The following NUP93 variants were observed in gnomAD, a reference collection of about 807,000 sequenced individuals.
The protein encoded by NUP93 is nucleoporin 93.
A neutral mutation model predicts 107.8 loss-of-function variants in NUP93; 55 were observed. That is an observed-to-expected ratio of 0.51 (90% confidence interval 0.41 to 0.64). The LOEUF is 0.64. Ranked by LOEUF, NUP93 falls within the 30% of genes least tolerant of loss-of-function variation. The pLI, the probability that NUP93 is intolerant of heterozygous loss-of-function variation, is 0.00. For synonymous variants in NUP93, 390 were observed against 397.5 expected, an observed-to-expected ratio of 0.98 and a Z score of 0.22; for missense variants, 937 against 1,044.7, an observed-to-expected ratio of 0.90 and a Z score of 1.42.
At position 56,748,372 on chromosome 16, in the gene NUP93, G is replaced by A. The variant is rs781513723; in HGVS notation, c.125G>A (p.Arg42His). Residue 42 changes from arginine (R) to histidine (H), a missense_variant, in exon 2 of 22, where the codon CGC becomes CAC. Physicochemically the swap from Arg to His is conservative, Grantham distance 29. Transcript: ENST00000308159. ...NLQEIQQAGE[R>H]LRSRTLTRTS... ...CAGGAGATCCAGCAGGCGGGAGAGCGCCTGCGTTCCCGTACCCTAACACGC... is the reference window on the plus strand; with the variant it reads ...CAGGAGATCCAGCAGGCGGGAGAGCACCTGCGTTCCCGTACCCTAACACGC... 5.6e-6 allele frequency: 9 copies of A among 1,613,822 alleles called. No individual in the cohort carries two copies. Among genetic ancestry groups the A allele is most frequent in the African/African-American group, 2.7e-5 (2 of 74,894 alleles).
At chr16:56,834,525 AT>A (rs1446857750) in intron 15 of NUP93, 83 bp downstream of exon 15, 3 of 1,447,878 alleles carry the variant, frequency 2.1e-6, no homozygotes, top group Non-Finnish European at 2.9e-6. Context: ...GTTTACTTCA[AT>A]ATGGTTGTGG....
intron 10 of NUP93, 61 bp downstream of exon 10, chr16:56,830,746 A>G: frequency 2.2e-6 from 3 of 1,388,310 alleles, no homozygotes; most frequent in African/African-American, 1.4e-5. Context: ...GGCATCCTTC[A>G]CTGTCATTAT....
At chr16:56,812,777 AACTC>A (rs1963343893) in intron 5 of NUP93, among the ~76,000 whole-genome samples, 1 of 152,242 alleles carries the variant, frequency 6.6e-6, no homozygotes, top group African/African-American at 2.4e-5. Context: ...GATTGTTACT[AACTC>A]TTTAAGTTGT....
intron 20 of NUP93, among the ~76,000 whole-genome samples, chr16:56,840,310 G>T (rs909337539): frequency 6.6e-6 from 1 of 152,148 alleles, no homozygotes; most frequent in Admixed American, 6.5e-5. Context: ...GTGAGCCACC[G>T]TGCCCAGCCA....
chr16:56,823,208 C>A (rs989985369), intron 7 of NUP93, among the ~76,000 whole-genome samples: 1 of 152,126 alleles, frequency 6.6e-6, no homozygotes, highest in Non-Finnish European at 1.5e-5. Flanking sequence ...CACCAAGTAA[C>A]GTAAGAGCGG....
intron 3 of NUP93, among the ~76,000 whole-genome samples, chr16:56,759,992 A>G (rs866782054): frequency 3.9e-5 from 6 of 152,144 alleles, no homozygotes; most frequent in Admixed American, 3.3e-4. Context: ...GTGAAACTCC[A>G]TTTTTTTACC....
intron 2 of NUP93, among the ~76,000 whole-genome samples, chr16:56,755,484 A>G (rs1962002041): frequency 6.6e-6 from 1 of 150,754 alleles, no homozygotes; most frequent in Non-Finnish European, 1.5e-5. Context: ...GAAATGGGGA[A>G]TCACCACCTA....
chr16:56,742,633 T>A (rs1156917908), intron 1 of NUP93, among the ~76,000 whole-genome samples: 1 of 152,260 alleles, frequency 6.6e-6, no homozygotes, highest in African/African-American at 2.4e-5. Context: ...TTGCTCACTC[T>A]TGCCCTAGGA....
intron 9 of NUP93, among the ~76,000 whole-genome samples, chr16:56,830,250 G>C (rs1292363000): frequency 1.3e-5 from 2 of 152,152 alleles, no homozygotes; most frequent in Non-Finnish European, 2.9e-5. Context: ...ACCACAGGGT[G>C]GCTTTGGATC....
intron 3 of NUP93, among the ~76,000 whole-genome samples, chr16:56,773,217 G>A (rs1377160082): frequency 6.6e-6 from 1 of 152,232 alleles, no homozygotes; most frequent in Non-Finnish European, 1.5e-5. Flanking sequence ...AACTGACCAA[G>A]GAAAAGAAGA....
At chr16:56,786,835 C>G (rs1159305531) in intron 3 of NUP93, among the ~76,000 whole-genome samples, 2 of 152,154 alleles carry the variant, frequency 1.3e-5, no homozygotes, top group African/African-American at 4.8e-5. Context: ...GCAGAGTCTC[C>G]CCTTCTCCTC....
At chr16:56,816,449 C>T (rs980031183) in intron 5 of NUP93, among the ~76,000 whole-genome samples, 4 of 152,150 alleles carry the variant, frequency 2.6e-5, no homozygotes, top group Non-Finnish European at 4.4e-5. Flanking sequence ...CCGTCAGGGA[C>T]CCAACACCTT....
intron 4 of NUP93, among the ~76,000 whole-genome samples, chr16:56,802,807 A>G (rs1963049540): frequency 6.6e-6 from 1 of 152,202 alleles, no homozygotes; most frequent in Non-Finnish European, 1.5e-5. Context: ...TTAGATGCCA[A>G]TCTGATTGTA....
intron 1 of NUP93, among the ~76,000 whole-genome samples, chr16:56,733,607 G>A (rs1322023859): frequency 1.3e-5 from 2 of 152,038 alleles, no homozygotes; most frequent in African/African-American, 2.4e-5. Context: ...TCTGATTTGG[G>A]ACATGTGTAG....
chr16:56,736,299 C>T (rs1254734608), intron 1 of NUP93, among the ~76,000 whole-genome samples: 5 of 152,334 alleles, frequency 3.3e-5, no homozygotes, highest in African/African-American at 1.2e-4. Context: ...CGCTATTGCA[C>T]TCCAGCCTGG....
Position 56,743,793 on chromosome 16 carries a change from G to A in NUP93, c.-14-4441G>A, listed in dbSNP as rs571186685. Among the ~76,000 whole-genome samples the A allele has an allele frequency of 3.3e-5, 5 of 152,238 alleles. No individual in the cohort carries two copies. In the South Asian group the frequency reaches 6.2e-4, roughly 19 times the overall value. On this transcript the variant is annotated intron_variant, in intron 1 of 21. Transcript: ENST00000308159. Reference sequence around the variant, plus strand: ...GTGTAACCAATCCTGCCTTCTAACAGCAGTGATAAGTTTGCCATTCATTTT... The same window carrying A: ...GTGTAACCAATCCTGCCTTCTAACAACAGTGATAAGTTTGCCATTCATTTT...
At chr16:56,840,734 A>G (rs1964007931) in intron 20 of NUP93, among the ~76,000 whole-genome samples, 1 of 152,152 alleles carries the variant, frequency 6.6e-6, no homozygotes, top group Non-Finnish European at 1.5e-5. Flanking sequence ...GGTGGCTCAC[A>G]CCTATAATCC....
Position 56,805,612 on chromosome 16 carries a change from G to A in NUP93, c.469G>A (p.Asp157Asn), listed in dbSNP as rs1174670372. The A allele has an allele frequency of 1.2e-6, 2 of 1,613,846 alleles. No homozygotes were observed. Among genetic ancestry groups the A allele is most frequent in the Non-Finnish European group, 1.7e-6 (2 of 1,179,904 alleles). Residue 157 changes from aspartate (D) to asparagine (N), a missense_variant, in exon 5 of 22, where the codon GAC becomes AAC. Transcript: ENST00000308159. Reference sequence around the variant, plus strand: ...GCTGGCATCAGGAGAAGACGCCCTTGACTTTACTCAAGAAAGCGAGGTAGC... The same window carrying A: ...GCTGGCATCAGGAGAAGACGCCCTTAACTTTACTCAAGAAAGCGAGGTAGC... Reference protein sequence around the residue: ...TLLASGEDALDFTQESEPSYI... With the variant: ...TLLASGEDALNFTQESEPSYI...
rs774615556 is a variant in NUP93 at position 56,834,274 on chromosome 16, A to G, written c.1664+20A>G. 66 of 1,613,436 alleles carry G rather than the reference A, an allele frequency of 4.1e-5. No individual in the cohort carries two copies. The highest frequency in any genetic ancestry group is 5.3e-5 in the Non-Finnish European group (62 of 1,179,494). On this transcript the variant is annotated intron_variant, in intron 14 of 21. Coordinates refer to ENST00000308159, the MANE Select transcript of NUP93 (RefSeq NM_014669.5). ...CCTCAGGTAACATTTGCTTTTGACCATTTACTTCAGCTAGTTTCAATTTCT... is the reference window on the plus strand; with the variant it reads ...CCTCAGGTAACATTTGCTTTTGACCGTTTACTTCAGCTAGTTTCAATTTCT...
Sources: allele counts gnomAD v4.1 joint callset (sites outside exome capture counted in the v4.1 genomes callset), GRCh38; gene constraint gnomAD v4.1.1; transcripts MANE v1.5; gene names NCBI Gene and HGNC (gene_info 2026-07-23, HGNC 2026-07-21).